TIMM17B: variants seen among roughly 807,000 people sequenced by gnomAD.
The protein encoded by TIMM17B is translocase of inner mitochondrial membrane 17B.
A neutral mutation model predicts 15.9 loss-of-function variants in TIMM17B; 10 were observed. The ratio of observed to expected loss-of-function variants is 0.63; its 90% confidence interval spans 0.39 to 1.06. The LOEUF (loss-of-function observed/expected upper bound fraction) is 1.06, where lower values mean the gene tolerates loss of function less well. Among genes scored for constraint, TIMM17B ranks in the 50% least tolerant of loss-of-function variants. TIMM17B has a pLI of 0.01. For missense variants in TIMM17B, 114 were observed against 152.2 expected, an observed-to-expected ratio of 0.75 and a Z score of 1.32; for synonymous variants, 57 against 57.2, an observed-to-expected ratio of 1.00 and a Z score of 0.02.
chrX:48,897,771 AG>A lies in TIMM17B; in HGVS notation c.-23del. On this transcript the variant is annotated 5_prime_UTR_variant, in exon 2 of 7. Transcript: ENST00000376582. ...CCATGGCGCTGGCGTCTGGCCGCGC[AG>A]TCAGGCCACGCCCCCAGCGTAGACG... 1 of 1,208,584 alleles carries A rather than the reference AG, an allele frequency of 8.3e-7. No homozygotes were observed. The highest frequency in any genetic ancestry group is 1.1e-6 in the Non-Finnish European group (1 of 894,409).
exon 7 of TIMM17B, chrX:48,893,735 G>A: frequency 1.7e-6 from 2 of 1,161,198 alleles, no homozygotes; most frequent in South Asian, 4.1e-5. Flanking sequence ...TTCCTCAGTG[G>A]TACTGCTGAT....
At chrX:48,897,910 A>T in intron 1 of TIMM17B, 142 bp from the exon 1 acceptor site, 1 of 918,097 alleles carries the variant, frequency 1.1e-6, no homozygotes, top group Non-Finnish European at 1.5e-6. Context: ...CCATTTGTTC[A>T]TTGCCTCCTG....
At chrX:48,896,915 C>CA in intron 2 of TIMM17B, 57 bp from the exon 2 acceptor site, 1 of 1,197,686 alleles carries the variant, frequency 8.3e-7, no homozygotes, top group Non-Finnish European at 1.1e-6. Context: ...GGTCCTGTCA[C>CA]ACGAACTCTT....
chrX:48,894,070 C>A, intron 5 of TIMM17B, 27 bp downstream of exon 4: 1 of 1,196,814 alleles, frequency 8.4e-7, no homozygotes, highest in Non-Finnish European at 1.1e-6. Context: ...GTGGAAGGGG[C>A]TGGGGCCAGG....
In TIMM17B at chrX:48,893,894, A is replaced by G; in HGVS notation, c.430+6T>C. The stretch of plus-strand genomic sequence containing the variant: ...TTTCCCACTCCCCCGACCACCAGTT[A>G]CTCACCATTTCGGAACTGCTGGGCT... On this transcript the variant is annotated splice_donor_region_variant and intron_variant, in intron 6 of 6. Transcript: ENST00000376582. 1 of 1,203,128 alleles carries G rather than the reference A, an allele frequency of 8.3e-7. No individual in the cohort carries two copies. The highest frequency in any genetic ancestry group is 3.0e-5 in the East Asian group (1 of 33,744).
At chrX:48,894,129 C>G in exon 5 of TIMM17B, 2 of 1,201,796 alleles carry the variant, frequency 1.7e-6, no homozygotes, top group Non-Finnish European at 2.2e-6. Context: ...GGTCAATGCT[C>G]CACTGGTGAT....
In TIMM17B at chrX:48,894,237, C is replaced by T. The variant is rs1186502461; in HGVS notation, c.191-12G>A. 4.2e-6 allele frequency: 5 copies of T among 1,204,796 alleles called. No individual in the cohort carries two copies. In the African/African-American group the frequency reaches 8.8e-5, roughly 21 times the overall value. On this transcript the variant is annotated splice_polypyrimidine_tract_variant and intron_variant, in intron 4 of 6. Coordinates refer to ENST00000376582, the Ensembl canonical transcript of TIMM17B. ...CACTGCGAAGCTACCTGTAGTGGAA[C>T]CGAGGCCTAATTAGTTCCTGGGAAA...
At chrX:48,895,621 G>A in intron 3 of TIMM17B, 1 of 455,761 alleles carries the variant, frequency 2.2e-6, no homozygotes, top group East Asian at 3.7e-5. Flanking sequence ...AAGATCCAGG[G>A]AGGAGAGTTC....
At chrX:48,896,043 T>C (rs1479468359) in intron 3 of TIMM17B, 1 of 110,278 alleles carries the variant, frequency 9.1e-6, no homozygotes, top group African/African-American at 3.4e-5. Flanking sequence ...TCCCAGCTAC[T>C]TGGGAGGCTG....
intron 2 of TIMM17B, 22 bp from the exon 2 acceptor site, chrX:48,896,880 C>T: frequency 8.3e-7 from 1 of 1,209,960 alleles, no homozygotes. Flanking sequence ...AAGGGAAGGA[C>T]GGGGTTAATG....
chrX:48,896,457 C>CAA (rs374729794), intron 3 of TIMM17B: 2,985 of 208,522 alleles, frequency 0.014, no homozygotes, highest in Middle Eastern at 0.024. Context: ...AAGACTGTCT[C>CAA]AAAAAAAAAA....
intron 3 of TIMM17B, 163 bp from the exon 3 acceptor site, chrX:48,895,264 G>C: frequency 2.0e-6 from 1 of 493,716 alleles, no homozygotes. Flanking sequence ...GCCCCAACAT[G>C]GGTGTTCTCA....
intron 2 of TIMM17B, chrX:48,897,441 G>A (rs782474591): frequency 5.2e-6 from 2 of 383,892 alleles, no homozygotes; most frequent in South Asian, 3.9e-5. Flanking sequence ...ACCACCCCTA[G>A]CCGGGATGGA....
intron 2 of TIMM17B, 49 bp downstream of exon 1, chrX:48,897,675 G>T: frequency 9.1e-6 from 10 of 1,097,136 alleles, no homozygotes; most frequent in Non-Finnish European, 1.3e-5. Context: ...CCCCACGGCT[G>T]GCCTTGGCGT....
chrX:48,897,941 A>G (rs2063332719), intron 1 of TIMM17B, 173 bp from the exon 1 acceptor site: 1 of 871,963 alleles, frequency 1.1e-6, no homozygotes, highest in South Asian at 2.6e-5. Flanking sequence ...AGTTACTTTC[A>G]GGCTCGGGGA....
At chrX:48,894,453 T>C (rs934326499) in intron 4 of TIMM17B, among the ~76,000 whole-genome samples, 1 of 110,872 alleles carries the variant, frequency 9.0e-6, no homozygotes, top group East Asian at 2.8e-4. Context: ...TTATGGGGAG[T>C]TGACAAATGT....
At position 48,896,717 on chromosome X, in the gene TIMM17B, G is replaced by A. The variant is rs377091708; in HGVS notation, c.126+42C>T. ...TCAGAGCAGCCTCCCTTGTGGGCAA[G>A]ATAGCTAACCCCACACCAACCCAGG... On this transcript the variant is annotated intron_variant, in intron 3 of 6. Transcript: ENST00000376582. The A allele has an allele frequency of 4.8e-5, 58 of 1,205,903 alleles. No homozygotes were observed. The Middle Eastern group carries it at 7.0e-4, about 14-fold the overall frequency.
At chrX:48,897,489 G>C (rs896149688) in intron 2 of TIMM17B, 2 of 434,162 alleles carry the variant, frequency 4.6e-6, no homozygotes, top group Admixed American at 4.0e-5. Context: ...AGGGCTAGGA[G>C]ATTACGAAGT....
At chrX:48,896,901 C>T (rs2147442497) in intron 2 of TIMM17B, 43 bp from the exon 2 acceptor site, 1 of 1,204,675 alleles carries the variant, frequency 8.3e-7, no homozygotes, top group Non-Finnish European at 1.1e-6. Flanking sequence ...TGAGCCCTCC[C>T]CCAGGTCCTG....
Sources: allele counts gnomAD v4.1 joint callset (sites outside exome capture counted in the v4.1 genomes callset), GRCh38; gene constraint gnomAD v4.1.1; transcripts MANE v1.5; gene names NCBI Gene and HGNC (gene_info 2026-07-23, HGNC 2026-07-21).